Variants in TTN observed in about 807,000 individuals in gnomAD.
The protein encoded by TTN is connectin.
TTN carries 1,525 observed loss-of-function variants against 3,223.0 expected under a neutral mutation model. The observed-to-expected ratio is 0.47, with a 90% CI of 0.45 to 0.49. TTN has a LOEUF of 0.49. TTN is among the 20% of genes least tolerant of loss of function. The pLI, the probability that TTN is intolerant of heterozygous loss-of-function variation, is 0.00. For missense variants in TTN, 40,786 were observed against 43,424.0 expected, an observed-to-expected ratio of 0.94 and a Z score of 5.40; for synonymous variants, 14,094 against 15,161.0, an observed-to-expected ratio of 0.93 and a Z score of 5.17.
At chr2:178,551,581 T>TAA in intron 335 of TTN, 49 bp downstream of exon 335, 1 of 1,435,328 alleles carries the variant, frequency 7.0e-7, no homozygotes. Context: ...TATTTGTTTC[T>TAA]AATATGTTCA....
At chr2:178,646,994 A>G in intron 215 of TTN, 70 bp downstream of exon 215, 1 of 540,032 alleles carries the variant, frequency 1.9e-6, no homozygotes, top group Non-Finnish European at 2.8e-6. Flanking sequence ...TTGTCCTGTA[A>G]ATGCTTTTGT....
intron 38 of TTN, 124 bp from the exon 39 acceptor site, chr2:178,768,279 G>T: frequency 8.2e-7 from 1 of 1,217,976 alleles, no homozygotes. Flanking sequence ...TCATCATTGT[G>T]TAGCCATCAC....
Position 178,680,001 on chromosome 2 carries a change from A to G in TTN, c.33473T>C (p.Val11158Ala), listed in dbSNP as rs1441498569. ...EPEEVAFEEE[V>A]VTHVEEYLVE... ...AAGATATTCTTCTACATGGGTTACA[A>G]CTTCCTCTTCAAAGGCAACCTCTTC... The change falls in exon 140 of 363, where the codon GTT becomes GCT. Residue 11158 changes from valine (V) to alanine (A), a missense_variant. Coordinates refer to ENST00000589042, the MANE Select transcript of TTN (RefSeq NM_001267550.2). 6.2e-7 allele frequency: 1 copy of G among 1,613,200 alleles called. No individual in the cohort carries two copies. Among genetic ancestry groups the G allele is most frequent in the African/African-American group, 1.3e-5 (1 of 74,946 alleles).
rs765355667 is a variant in TTN, at chr2:178,694,028, C to T, written c.31427-20G>A. ...CTGGTACTTTAAAGAGAGTATTTCACATTAGTATTCCTTTTTTTTAGTACA... is the reference window on the plus strand; with the variant it reads ...CTGGTACTTTAAAGAGAGTATTTCATATTAGTATTCCTTTTTTTTAGTACA... On this transcript the variant is annotated intron_variant, in intron 117 of 362. Coordinates refer to ENST00000589042, the MANE Select transcript of TTN (RefSeq NM_001267550.2). The T allele has an allele frequency of 2.3e-5, 36 of 1,578,162 alleles. No homozygotes were observed. The highest frequency in any genetic ancestry group is 2.7e-5 in the African/African-American group (2 of 74,268).
In TTN at chr2:178,594,417, G is replaced by A. The variant is rs1398110155; in HGVS notation, c.58077C>T (p.Val19359=). ...CTTGTCCAACAATGTTGACAGCACT[G>A]ACACGGTACTCATAGGTATCACCTT... is the stretch of plus-strand genomic sequence containing the variant. ...LKEGDTYEYR[V]SAVNIVGQGK... is the part of the protein sequence containing the mutation. The change falls in exon 296 of 363, where the codon GTC becomes GTT. Residue 19359 remains valine, a synonymous_variant. Coordinates refer to ENST00000589042, the MANE Select transcript of TTN (RefSeq NM_001267550.2). 1 of 1,610,990 alleles carries A rather than the reference G, an allele frequency of 6.2e-7. No individual in the cohort carries two copies. The highest frequency in any genetic ancestry group is 8.5e-7 in the Non-Finnish European group (1 of 1,178,436).
Position 178,593,397 on chromosome 2 carries a change from T to C in TTN, c.58811A>G (p.His19604Arg), listed in dbSNP as rs754807338. 5.6e-6 allele frequency: 9 copies of C among 1,613,364 alleles called. No individual in the cohort carries two copies. The highest frequency in any genetic ancestry group is 3.3e-5 in the South Asian group (3 of 91,068). The change falls in exon 299 of 363, where the codon CAT becomes CGT. Residue 19604 changes from histidine (H) to arginine (R), a missense_variant. Transcript: ENST00000589042. ...GTTTGTGATGGGTTTTCCTCCATCA[T>C]GTGGCTTATTCCAGGTTACTAATGC... is the stretch of plus-strand genomic sequence containing the variant. ...DSALVTWNKPHDGGKPITNYI... is the reference protein window; with the variant it reads ...DSALVTWNKPRDGGKPITNYI...
At chr2:178,696,435 TAGTAG>T (rs917720944) in intron 113 of TTN, among the ~76,000 whole-genome samples, 166 bp from the exon 114 acceptor site, 1 of 151,434 alleles carries the variant, frequency 6.6e-6, no homozygotes, top group Non-Finnish European at 1.5e-5. Context: ...CTATGGAACA[TAGTAG>T]AGTATCAAGA....
In TTN at chr2:178,776,432, T is replaced by G; in HGVS notation, c.5432A>C (p.Lys1811Thr). 6.2e-7 allele frequency: 1 copy of G among 1,610,250 alleles called. No homozygotes were observed. Among genetic ancestry groups the G allele is most frequent in the Non-Finnish European group, 8.5e-7 (1 of 1,179,998 alleles). Residue 1811 changes from lysine to threonine, a missense_variant, in exon 28 of 363, where the codon AAA (lysine) becomes ACA (threonine). Coordinates refer to ENST00000589042, the MANE Select transcript of TTN (RefSeq NM_001267550.2). Reference protein sequence around the residue: ...VEESQLPEGRKGLQRIEELER... With the variant: ...VEESQLPEGRTGLQRIEELER... ...TAATTCTTCAATTCTCTGTAAGCCT[T>G]TCCTCCCCTCAGGCAATTGGGATTC...
intron 163 of TTN, among the ~76,000 whole-genome samples, chr2:178,666,228 T>C (rs2065907285): frequency 6.6e-6 from 1 of 152,178 alleles, no homozygotes; most frequent in African/African-American, 2.4e-5. Flanking sequence ...AGAAAAAATA[T>C]CAAAATATTC....
In TTN at chr2:178,592,983, A is replaced by C. The variant is rs928532463; in HGVS notation, c.59136T>G (p.Ile19712Met). 2 of 1,613,492 alleles carry C rather than the reference A, an allele frequency of 1.2e-6. No individual in the cohort carries two copies. The highest frequency in any genetic ancestry group is 2.2e-5 in the East Asian group (1 of 44,796). ...TCTGGTACTCAACAATATAACCCAGAATCTTGCTCCCACCATCATGACGTG... is the reference window on the plus strand; with the variant it reads ...TCTGGTACTCAACAATATAACCCAGCATCTTGCTCCCACCATCATGACGTG... ...QPPRHDGGSK[I>M]LGYIVEYQKV... Residue 19712 changes from isoleucine to methionine, a missense_variant, in exon 300 of 363, where the codon ATT becomes ATG. Ile to Met is a conservative substitution (Grantham distance 10). Coordinates refer to ENST00000589042, the MANE Select transcript of TTN (RefSeq NM_001267550.2).
At chr2:178,780,665 T>C (rs989489956) in intron 21 of TTN, among the ~76,000 whole-genome samples, 3 of 152,204 alleles carry the variant, frequency 2.0e-5, no homozygotes, top group Non-Finnish European at 2.9e-5. Context: ...TTATAAACAT[T>C]GAAAATCCTG....
chr2:178,627,686 G>C (rs2059240577), intron 240 of TTN, among the ~76,000 whole-genome samples: 1 of 151,862 alleles, frequency 6.6e-6, no homozygotes. Context: ...AATAAAATGT[G>C]AATAAGATTT....
Position 178,536,660 on chromosome 2 carries a change from GA to G in TTN, c.100172-86del, listed in dbSNP as rs979713342. 1.3e-5 allele frequency: 15 copies of G among 1,192,710 alleles called. No homozygotes were observed. The African/African-American group carries it at 2.0e-4, about 16-fold the overall frequency. 73.9% of individuals were successfully genotyped at this position (1,192,710 alleles called of 1,614,324 possible). On this transcript the variant is annotated intron_variant, in intron 356 of 362. Coordinates refer to ENST00000589042, the MANE Select transcript of TTN (RefSeq NM_001267550.2). ...ATTTTTTTAAAAAAGAATGTTATAT[GA>G]GTCCAAAATTTTGTTAAAAAATAGC...
In TTN at chr2:178,771,463, T is replaced by C. The variant is rs148394362; in HGVS notation, c.7864A>G (p.Ile2622Val). ...SGKLTVAGGAISKPLTDQTVA... is the reference protein window; with the variant it reads ...SGKLTVAGGAVSKPLTDQTVA... ...GTCTGATCTGTGAGTGGCTTGGAGA[T>C]GGCCCCACCTTTGGAACAAGAGATG... Residue 2622 changes from isoleucine to valine, a missense_variant, in exon 34 of 363, where the codon ATC (isoleucine) becomes GTC (valine). Transcript: ENST00000589042. 6 of 1,613,910 alleles carry C rather than the reference T, an allele frequency of 3.7e-6. No homozygotes were observed. The highest frequency in any genetic ancestry group is 4.5e-5 in the East Asian group (2 of 44,860).
intron 127 of TTN, among the ~76,000 whole-genome samples, chr2:178,687,637 A>G (rs1363528485): frequency 6.6e-6 from 1 of 152,228 alleles, no homozygotes; most frequent in African/African-American, 2.4e-5. Flanking sequence ...TTAATGGATT[A>G]TAACTTGTAT....
intron 46 of TTN, among the ~76,000 whole-genome samples, chr2:178,754,665 A>T (rs1020515579): frequency 1.3e-5 from 2 of 152,052 alleles, no homozygotes; most frequent in Non-Finnish European, 2.9e-5. Flanking sequence ...CTCCAAATAA[A>T]TAGTGACTCT....
In TTN at chr2:178,735,815, G is replaced by A; in HGVS notation, c.14631C>T (p.Ile4877=). 4.3e-6 allele frequency: 7 copies of A among 1,613,744 alleles called. No homozygotes were observed. Among genetic ancestry groups the A allele is most frequent in the East Asian group, 2.2e-5 (1 of 44,810 alleles). Residue 4877 remains isoleucine (I), a synonymous_variant, in exon 50 of 363, where the codon ATC becomes ATT. Transcript: ENST00000589042. ...CAATGATGATCAACTCTGCTTGGCA[G>A]ATGTCTGCTCCAAACTTGTTGGAAG... ...CKASNKFGAD[I]CQAELIIIDK... is the part of the protein sequence containing the mutation.
chr2:178,660,708 C>T (rs1251717424), intron 180 of TTN, among the ~76,000 whole-genome samples: 1 of 152,306 alleles, frequency 6.6e-6, no homozygotes. Flanking sequence ...AGCTTCTGCA[C>T]AGCAAAGGAA....
At chr2:178,676,038 C>CA in intron 147 of TTN, 43 bp from the exon 148 acceptor site, 3 of 1,539,960 alleles carry the variant, frequency 1.9e-6, no homozygotes, top group Non-Finnish European at 1.8e-6. Context: ...TTTTGAAGGA[C>CA]AAAAAAAGAG....
Sources: allele counts gnomAD v4.1 joint callset (sites outside exome capture counted in the v4.1 genomes callset), GRCh38; gene constraint gnomAD v4.1.1; transcripts MANE v1.5; gene names NCBI Gene and HGNC (gene_info 2026-07-23, HGNC 2026-07-21).